Variants in CLEC4C observed in about 807,000 individuals in gnomAD.
CLEC4C encodes C-type (calcium dependent, carbohydrate-recognition domain) lectin, superfamily member 11.
A neutral mutation model predicts 27.7 loss-of-function variants in CLEC4C; 17 were observed. That is an observed-to-expected ratio of 0.61 (90% CI 0.42 to 0.92). The LOEUF is 0.92. Among genes scored for constraint, CLEC4C ranks in the 40% least tolerant of loss-of-function variants. The probability of loss-of-function intolerance (pLI) is 0.00; values close to 1 mark genes in which losing one functional copy is unlikely to be tolerated. For synonymous variants in CLEC4C, 80 were observed against 80.8 expected, an observed-to-expected ratio of 0.99 and a Z score of 0.06; for missense variants, 244 against 257.3, an observed-to-expected ratio of 0.95 and a Z score of 0.35.
intron 4 of CLEC4C, among the ~76,000 whole-genome samples, chr12:7,733,549 T>C (rs1217227062): frequency 6.6e-6 from 1 of 150,428 alleles, no homozygotes; most frequent in Non-Finnish European, 1.5e-5. Context: ...TGGCGAGATC[T>C]TGGCTCACTG....
intron 4 of CLEC4C, 105 bp downstream of exon 4, chr12:7,737,324 G>GTTTT: frequency 1.3e-6 from 1 of 744,414 alleles, no homozygotes; most frequent in Admixed American, 3.5e-5. Flanking sequence ...TTACCCAGAA[G>GTTTT]TTTTTTTTTT....
At chr12:7,747,220 A>G in intron 1 of CLEC4C, 98 bp downstream of exon 1, 4 of 1,015,378 alleles carry the variant, frequency 3.9e-6, no homozygotes, top group East Asian at 2.4e-5. Flanking sequence ...AAAGCTGTCT[A>G]CTTCTTCTTC....
rs986468730 is a variant in CLEC4C at position 7,737,555 on chromosome 12, G to A, written c.255C>T (p.Thr85=). The change falls in exon 4 of 6, where the codon ACC becomes ACT. Residue 85 remains threonine (T), a synonymous_variant. Transcript: ENST00000360345. Reference sequence around the variant, plus strand: ...AACTAGACTGAAATGAAGTCCAAGGGGTTGGGCAGCAGCTCCAATCTTCCC... The same window carrying A: ...AACTAGACTGAAATGAAGTCCAAGGAGTTGGGCAGCAGCTCCAATCTTCCC... ...KDIEDWSCCP[T]PWTSFQSSCY... is the part of the protein sequence containing the mutation. 1.2e-6 allele frequency: 2 copies of A among 1,613,306 alleles called. No homozygotes were observed. Among genetic ancestry groups the A allele is most frequent in the African/African-American group, 1.3e-5 (1 of 74,866 alleles).
intron 5 of CLEC4C, among the ~76,000 whole-genome samples, 179 bp from the exon 6 acceptor site, chr12:7,729,919 G>A (rs1266159680): frequency 1.3e-5 from 2 of 152,112 alleles, no homozygotes; most frequent in African/African-American, 4.8e-5. Flanking sequence ...CTCTCCACTT[G>A]TGTCTCTGGT....
chr12:7,747,471 T>G, upstream of CLEC4C: 1 of 908,922 alleles, frequency 1.1e-6, no homozygotes, highest in Non-Finnish European at 1.8e-6. Context: ...CCTTAGATCC[T>G]TCTTCGCCTA....
At chr12:7,740,594 G>C (rs1198557353) in intron 3 of CLEC4C, among the ~76,000 whole-genome samples, 1 of 151,742 alleles carries the variant, frequency 6.6e-6, no homozygotes, top group Non-Finnish European at 1.5e-5. Flanking sequence ...CCAGTTACTT[G>C]GGAGGCCGAG....
chr12:7,735,914 T>C (rs1040980713), intron 4 of CLEC4C, among the ~76,000 whole-genome samples: 1 of 152,146 alleles, frequency 6.6e-6, no homozygotes, highest in African/African-American at 2.4e-5. Flanking sequence ...AATTCTAGAT[T>C]TGAAAAATAC....
chr12:7,734,947 C>T (rs12812951), intron 4 of CLEC4C, among the ~76,000 whole-genome samples: 2 of 151,920 alleles, frequency 1.3e-5, no homozygotes, highest in South Asian at 2.1e-4. Context: ...AGGCCTATAA[C>T]CCCAGCACTT....
At chr12:7,744,653 C>T (rs941448700) in intron 2 of CLEC4C, among the ~76,000 whole-genome samples, 7 of 152,178 alleles carry the variant, frequency 4.6e-5, no homozygotes, top group African/African-American at 1.2e-4. Flanking sequence ...GTCTCTCTGT[C>T]GCCCAGGCTG....
At chr12:7,730,669 G>T (rs1313307739) in intron 5 of CLEC4C, 128 bp downstream of exon 5, 27 of 465,648 alleles carry the variant, frequency 5.8e-5, no homozygotes, top group Non-Finnish European at 9.1e-5. Context: ...CACAACCCTT[G>T]ATGTCAAATA....
chr12:7,739,893 G>A (rs1269349944), intron 3 of CLEC4C, among the ~76,000 whole-genome samples: 9 of 149,580 alleles, frequency 6.0e-5, no homozygotes, highest in Non-Finnish European at 1.0e-4. Flanking sequence ...TGTCCAGGCT[G>A]GGACAATCTC....
rs1864583697 is a variant in CLEC4C at position 7,730,954 on chromosome 12, A to G, written c.382-42T>C. The G allele has an allele frequency of 4.9e-6, 5 of 1,010,642 alleles. No homozygotes were observed. In the South Asian group the frequency reaches 6.4e-5, roughly 13 times the overall value. The allele number at this position is 1,010,642 out of a possible 1,614,324, so 62.6% of individuals were successfully genotyped here. On this transcript the variant is annotated intron_variant, in intron 4 of 5. Coordinates refer to ENST00000360345, the MANE Select transcript of CLEC4C (RefSeq NM_001371390.1). ...GAAGAGTCATAGCTGATAGAGCAGG[A>G]GCACCCTCATCTGGGACGAACACCG...
intron 2 of CLEC4C, among the ~76,000 whole-genome samples, chr12:7,743,088 T>C (rs1015600765): frequency 1.3e-5 from 2 of 152,176 alleles, no homozygotes; most frequent in East Asian, 1.9e-4. Flanking sequence ...TCACGCTATA[T>C]ACCCAGCACC....
chr12:7,745,275 T>A (rs974714523), intron 2 of CLEC4C, among the ~76,000 whole-genome samples: 2 of 151,848 alleles, frequency 1.3e-5, no homozygotes, highest in African/African-American at 4.8e-5. Context: ...ACTCCCTCCA[T>A]CATGTGAGGA....
At chr12:7,731,475 T>G (rs913715932) in intron 4 of CLEC4C, among the ~76,000 whole-genome samples, 7 of 152,196 alleles carry the variant, frequency 4.6e-5, no homozygotes, top group African/African-American at 1.7e-4. Context: ...GCAAGCCACC[T>G]TTCGTATTTC....
At chr12:7,737,677 G>C in intron 3 of CLEC4C, 103 bp from the exon 4 acceptor site, 1 of 1,090,162 alleles carries the variant, frequency 9.2e-7, no homozygotes, top group Non-Finnish European at 1.3e-6. Context: ...TTCACCTATG[G>C]ATCTCCACGG....
At position 7,729,760 on chromosome 12, in the gene CLEC4C, C is replaced by G. The variant is rs775999685; in HGVS notation, c.498-20G>C. On this transcript the variant is annotated intron_variant, in intron 5 of 5. Transcript: ENST00000360345. ...CAGAATCTGAAAGGTAGATAAAGGA[C>G]AGTGGTGTTTTGAAACCGTGGTTTG... 6.2e-7 allele frequency: 1 copy of G among 1,612,210 alleles called. No homozygotes were observed. The highest frequency in any genetic ancestry group is 1.3e-5 in the African/African-American group (1 of 74,868).
At chr12:7,733,473 A>G (rs1864646030) in intron 4 of CLEC4C, among the ~76,000 whole-genome samples, 1 of 147,858 alleles carries the variant, frequency 6.8e-6, no homozygotes, top group Admixed American at 7.0e-5. Context: ...CATGTTGACC[A>G]AGCTGGTCTT....
chr12:7,729,688 T>G lies in CLEC4C; in HGVS notation c.550A>C (p.Asn184His). ...NNLDERCAII[N>H]FRSSEEWGWN... ...CCCCATTCTTCTGAAGAACGGAAATTTATTATCGCACAACGCTCATCAAGG... is the reference window on the plus strand; with the variant it reads ...CCCCATTCTTCTGAAGAACGGAAATGTATTATCGCACAACGCTCATCAAGG... Residue 184 changes from asparagine to histidine, a missense_variant, in exon 6 of 6, where the codon AAT becomes CAT. Physicochemically the swap from Asn to His is moderately conservative, Grantham distance 68 (BLOSUM62 1). Coordinates refer to ENST00000360345, the MANE Select transcript of CLEC4C (RefSeq NM_001371390.1). The G allele has an allele frequency of 1.9e-6, 3 of 1,613,782 alleles. No homozygotes were observed. The highest frequency in any genetic ancestry group is 2.5e-6 in the Non-Finnish European group (3 of 1,179,748).
Sources: gnomAD v4.1 joint callset for allele counts (sites outside exome capture counted in the v4.1 genomes callset) on GRCh38, gnomAD v4.1.1 for gene constraint, MANE v1.5 for transcripts, NCBI Gene and HGNC (gene_info 2026-07-23, HGNC 2026-07-21) for gene names.